The following NPSR1 variants were observed in gnomAD, a reference collection of about 807,000 sequenced individuals.
The protein encoded by NPSR1 is neuropeptide S receptor.
In NPSR1, 48 loss-of-function variants were observed where a neutral mutation model predicts 46.9. The ratio of observed to expected loss-of-function variants is 1.02; its 90% CI spans 0.81 to 1.30. The LOEUF (loss-of-function observed/expected upper bound fraction) is 1.30, where lower values mean the gene tolerates loss of function less well. Ranked by LOEUF, NPSR1 falls within the 50% of genes most tolerant of loss-of-function variation. NPSR1 has a pLI of 0.00. For synonymous variants in NPSR1, 176 were observed against 168.1 expected (o/e 1.05, Z -0.36); for missense variants, 450 against 449.5 (o/e 1.00, Z -0.01).
intron 3 of NPSR1, among the ~76,000 whole-genome samples, chr7:34,797,263 G>T (rs937575270): frequency 6.6e-6 from 1 of 152,158 alleles, no homozygotes; most frequent in African/African-American, 2.4e-5. Flanking sequence ...GTGGACACAT[G>T]TCTATACTTT....
Position 34,784,395 on chromosome 7 carries a change from G to C in NPSR1, c.384+5830G>C, listed in dbSNP as rs1009461938. On this transcript the variant is annotated intron_variant, in intron 3 of 8. Coordinates refer to ENST00000360581, the MANE Select transcript of NPSR1 (RefSeq NM_207172.2). ...TTTATTGAGAGTTTTTAGCATGAAGGGTTGTTGAATTTTGTCAAAGGCCTT... is the reference window on the plus strand; with the variant it reads ...TTTATTGAGAGTTTTTAGCATGAAGCGTTGTTGAATTTTGTCAAAGGCCTT... Among the ~76,000 whole-genome samples, 28 of 152,114 alleles carry C rather than the reference G, an allele frequency of 1.8e-4. No individual in the cohort carries two copies. In the East Asian group the frequency reaches 3.3e-3, roughly 18 times the overall value.
At chr7:34,716,540 T>TA (rs1443023772) in intron 2 of NPSR1, among the ~76,000 whole-genome samples, 1 of 152,206 alleles carries the variant, frequency 6.6e-6, no homozygotes, top group Non-Finnish European at 1.5e-5. Context: ...ATCTGTCAAA[T>TA]AGAGATAAAA....
intron 1 of NPSR1, among the ~76,000 whole-genome samples, chr7:34,659,695 T>C (rs969421517): frequency 6.6e-6 from 1 of 152,196 alleles, no homozygotes. Context: ...AATCACCTCC[T>C]AATGCATATG....
At chr7:34,765,141 T>G (rs377052222) in intron 2 of NPSR1, among the ~76,000 whole-genome samples, 1 of 152,312 alleles carries the variant, frequency 6.6e-6, no homozygotes, top group East Asian at 1.9e-4. Context: ...AGCAGATTGA[T>G]TTAATACCCC....
chr7:34,838,140 C>A (rs548784168), intron 6 of NPSR1, among the ~76,000 whole-genome samples: 1 of 152,118 alleles, frequency 6.6e-6, no homozygotes, highest in African/African-American at 2.4e-5. Flanking sequence ...TGCCTCCCCC[C>A]AGGGAGGCTG....
chr7:34,684,478 C>A (rs1792821497), intron 1 of NPSR1, 74 bp from the exon 2 acceptor site: 2 of 1,484,588 alleles, frequency 1.3e-6, no homozygotes, highest in Non-Finnish European at 1.8e-6. Flanking sequence ...AGAAATCCAG[C>A]CTGGGGCAGG....
chr7:34,833,180 T>A (rs1790198212), intron 5 of NPSR1, among the ~76,000 whole-genome samples: 1 of 152,238 alleles, frequency 6.6e-6, no homozygotes, highest in African/African-American at 2.4e-5. Context: ...TCTGATTTTT[T>A]AAAATAATTC....
Position 34,696,593 on chromosome 7 carries a change from C to T in NPSR1, c.280+11909C>T, listed in dbSNP as rs1042105342. ...ACAATACAATAGTTAAACTTAGCGG[C>T]AAATTAAATGTAGCTAAAGAAGAAA... On this transcript the variant is annotated intron_variant, in intron 2 of 8. Transcript: ENST00000360581. 2.6e-5 allele frequency among the ~76,000 whole-genome samples: 4 copies of T among 151,706 alleles called. No homozygotes were observed. In the East Asian group the frequency reaches 7.7e-4, roughly 29 times the overall value.
At chr7:34,830,093 G>C (rs534668719) in intron 5 of NPSR1, among the ~76,000 whole-genome samples, 11 of 152,338 alleles carry the variant, frequency 7.2e-5, no homozygotes, top group African/African-American at 2.4e-4. Flanking sequence ...CAGGCCCTGG[G>C]GGGGCGAGTT....
chr7:34,755,433 C>T (rs958415528), intron 2 of NPSR1, among the ~76,000 whole-genome samples: 8 of 152,152 alleles, frequency 5.3e-5, no homozygotes, highest in Non-Finnish European at 8.8e-5. Flanking sequence ...TTGTTTCTGA[C>T]TTCTTTTGCT....
intron 1 of NPSR1, among the ~76,000 whole-genome samples, chr7:34,676,757 A>G (rs1249704898): frequency 6.6e-6 from 1 of 152,192 alleles, no homozygotes; most frequent in Non-Finnish European, 1.5e-5. Context: ...TCATAAACAG[A>G]TAAATCAACA....
intron 2 of NPSR1, among the ~76,000 whole-genome samples, chr7:34,695,359 G>A (rs750548418): frequency 6.6e-6 from 1 of 151,738 alleles, no homozygotes; most frequent in Non-Finnish European, 1.5e-5. Flanking sequence ...AAAAATCTTA[G>A]GGAAAAAAAC....
chr7:34,672,112 T>C (rs1364991541), intron 1 of NPSR1, among the ~76,000 whole-genome samples: 1 of 152,236 alleles, frequency 6.6e-6, no homozygotes, highest in Non-Finnish European at 1.5e-5. Flanking sequence ...TTCAAGAGTC[T>C]AGTGCTTAAA....
Position 34,739,250 on chromosome 7 carries a change from A to G in NPSR1, c.281-39212A>G, listed in dbSNP as rs958562195. On this transcript the variant is annotated intron_variant, in intron 2 of 8. Transcript: ENST00000360581. ...ACCTGGTTTCTATTCTTTTAACTAT[A>G]TACCTAGGAGTAAAATTGCTGGGTC... 4.6e-5 allele frequency among the ~76,000 whole-genome samples: 7 copies of G among 152,322 alleles called. No homozygotes were observed. The South Asian group carries it at 1.2e-3, about 27-fold the overall frequency.
chr7:34,748,248 G>T (rs1203290633), intron 2 of NPSR1, among the ~76,000 whole-genome samples: 1 of 152,204 alleles, frequency 6.6e-6, no homozygotes, highest in South Asian at 2.1e-4. Context: ...GAATGTTATT[G>T]CTCTAAGCAT....
At chr7:34,867,079 C>T (rs1448135338) in intron 8 of NPSR1, among the ~76,000 whole-genome samples, 1 of 151,614 alleles carries the variant, frequency 6.6e-6, no homozygotes, top group Non-Finnish European at 1.5e-5. Context: ...GTGAAAGAGG[C>T]TCTGAGCACA....
intron 2 of NPSR1, chr7:34,710,618 C>T: frequency 5.9e-6 from 1 of 169,290 alleles, no homozygotes; most frequent in South Asian, 1.4e-4. Context: ...CAGAAAATGG[C>T]AGACACAGGC....
At chr7:34,678,046 T>C (rs1289319507) in intron 1 of NPSR1, among the ~76,000 whole-genome samples, 1 of 152,188 alleles carries the variant, frequency 6.6e-6, no homozygotes, top group South Asian at 2.1e-4. Flanking sequence ...CGTGGATTTC[T>C]GATCTGGCAA....
intron 2 of NPSR1, among the ~76,000 whole-genome samples, chr7:34,705,468 C>A (rs1448815921): frequency 6.7e-6 from 1 of 149,762 alleles, no homozygotes; most frequent in South Asian, 2.1e-4. Context: ...AAAAGAAAAG[C>A]CTTTCACACT....
Sources: allele counts gnomAD v4.1 joint callset (sites outside exome capture counted in the v4.1 genomes callset), GRCh38; gene constraint gnomAD v4.1.1; transcripts MANE v1.5; gene names NCBI Gene and HGNC (gene_info 2026-07-23, HGNC 2026-07-21).